NDUFAF5: variants seen among roughly 807,000 people sequenced by gnomAD.
NDUFAF5 encodes NADH:ubiquinone oxidoreductase complex assembly factor 5, also known as arginine-hydroxylase NDUFAF5, mitochondrial.
NDUFAF5 carries 34 observed loss-of-function variants against 48.9 expected under a neutral mutation model. The ratio of observed to expected loss-of-function variants is 0.70; its 90% confidence interval spans 0.53 to 0.93. The LOEUF (loss-of-function observed/expected upper bound fraction) is 0.93, where lower values mean the gene tolerates loss of function less well. Among genes scored for constraint, NDUFAF5 ranks in the 40% least tolerant of loss-of-function variants. The pLI is 0.00. For synonymous variants in NDUFAF5, 153 were observed against 150.6 expected, an observed-to-expected ratio of 1.02 and a Z score of -0.12; for missense variants, 428 against 427.5, an observed-to-expected ratio of 1.00 and a Z score of -0.01.
At chr20:13,791,767 T>G (rs1982314236) in intron 3 of NDUFAF5, among the ~76,000 whole-genome samples, 1 of 152,238 alleles carries the variant, frequency 6.6e-6, no homozygotes, top group South Asian at 2.1e-4. Context: ...GCATGCACTC[T>G]GGTACTACAT....
At chr20:13,814,071 T>C in intron 8 of NDUFAF5, 1 of 218,410 alleles carries the variant, frequency 4.6e-6, no homozygotes, top group Non-Finnish European at 9.4e-6. Flanking sequence ...TTGTTTGTTT[T>C]TTTTTAATGT....
rs946860889 is a variant in NDUFAF5, at chr20:13,788,247, T to A, written c.264-342T>A. On this transcript the variant is annotated intron_variant, in intron 2 of 10. Coordinates refer to ENST00000378106, the MANE Select transcript of NDUFAF5 (RefSeq NM_024120.5). ...AAATAGGGATAATTATTGATAAGTA[T>A]GTCAGTTATTTTCAAGTTAATTTAC... Among the ~76,000 whole-genome samples, 6 of 152,246 alleles carry A rather than the reference T, an allele frequency of 3.9e-5. No homozygotes were observed. In the East Asian group the frequency reaches 1.2e-3, roughly 29 times the overall value.
chr20:13,785,405 G>C (rs1254735577), intron 1 of NDUFAF5, 115 bp downstream of exon 1: 1 of 849,642 alleles, frequency 1.2e-6, no homozygotes, highest in Non-Finnish European at 1.8e-6. Flanking sequence ...ACCTTGACCA[G>C]CAGCCCTGCC....
At chr20:13,802,683 A>AAAAG (rs577815311) in intron 7 of NDUFAF5, among the ~76,000 whole-genome samples, 13 of 149,056 alleles carry the variant, frequency 8.7e-5, no homozygotes, top group Admixed American at 1.3e-4. Flanking sequence ...AAAAAAAAAA[A>AAAAG]AAAAAAAGCA....
chr20:13,806,530 A>G (rs1985039464), intron 7 of NDUFAF5, among the ~76,000 whole-genome samples: 1 of 152,192 alleles, frequency 6.6e-6, no homozygotes, highest in Non-Finnish European at 1.5e-5. Context: ...ATAAAATAAA[A>G]AAAATGGTGC....
intron 6 of NDUFAF5, among the ~76,000 whole-genome samples, chr20:13,800,109 A>G (rs1983896029): frequency 6.6e-6 from 1 of 152,128 alleles, no homozygotes; most frequent in Non-Finnish European, 1.5e-5. Flanking sequence ...GCAGTTGAAG[A>G]TGACTTTGGA....
chr20:13,787,269 A>G (rs752189424), intron 1 of NDUFAF5, 43 bp from the exon 2 acceptor site: 1 of 1,603,546 alleles, frequency 6.2e-7, no homozygotes, highest in Admixed American at 1.7e-5. Context: ...CTGGAAAAAG[A>G]GTGTTACTTC....
In NDUFAF5 at chr20:13,797,020, C is replaced by T. The variant is rs563950088; in HGVS notation, c.480-1441C>T. On this transcript the variant is annotated intron_variant, in intron 5 of 10. Coordinates refer to ENST00000378106, the MANE Select transcript of NDUFAF5 (RefSeq NM_024120.5). ...AGAGATTAAGTTTCAGTGTATACAGCTCTGGTTTTTGTTTGTTTTTATCAC... is the reference window on the plus strand; with the variant it reads ...AGAGATTAAGTTTCAGTGTATACAGTTCTGGTTTTTGTTTGTTTTTATCAC... Among the ~76,000 whole-genome samples, 13 of 152,292 alleles carry T rather than the reference C, an allele frequency of 8.5e-5. No homozygotes were observed. In the South Asian group the frequency reaches 1.7e-3, roughly 19 times the overall value.
intron 3 of NDUFAF5, among the ~76,000 whole-genome samples, chr20:13,790,467 G>A (rs565148791): frequency 1.2e-4 from 19 of 152,182 alleles, no homozygotes; most frequent in East Asian, 1.9e-4. Flanking sequence ...CCCCATCACC[G>A]TGCTGTTCAG....
intron 7 of NDUFAF5, among the ~76,000 whole-genome samples, chr20:13,804,224 T>C (rs977850213): frequency 2.6e-5 from 4 of 152,214 alleles, no homozygotes; most frequent in Non-Finnish European, 5.9e-5. Context: ...CCATGTGTCA[T>C]GTCATGTCTC....
chr20:13,793,384 A>G (rs1231381485), intron 4 of NDUFAF5, among the ~76,000 whole-genome samples, 157 bp downstream of exon 4: 3 of 152,098 alleles, frequency 2.0e-5, no homozygotes, highest in Admixed American at 6.5e-5. Flanking sequence ...AATCACCCCT[A>G]TCACCCCTAG....
intron 6 of NDUFAF5, among the ~76,000 whole-genome samples, chr20:13,800,718 C>T (rs945688883): frequency 1.3e-5 from 2 of 152,178 alleles, no homozygotes; most frequent in Non-Finnish European, 2.9e-5. Flanking sequence ...TGGCTTAAAA[C>T]AACAACTATG....
chr20:13,805,103 A>C (rs1984803449), intron 7 of NDUFAF5, among the ~76,000 whole-genome samples: 1 of 152,174 alleles, frequency 6.6e-6, no homozygotes, highest in South Asian at 2.1e-4. Context: ...CATTGAGATG[A>C]AAAAAGAATC....
At chr20:13,813,261 A>G (rs147340225) in intron 8 of NDUFAF5, among the ~76,000 whole-genome samples, 2 of 152,314 alleles carry the variant, frequency 1.3e-5, no homozygotes, top group Admixed American at 1.3e-4. Flanking sequence ...AATAGACCGT[A>G]TATTTTCAGA....
rs148230423 is a variant in NDUFAF5, at chr20:13,818,960, G to A, written c.*1750G>A. The A allele has an allele frequency of 9.3e-4, 142 of 152,220 alleles. 1 individual carries two copies. Among genetic ancestry groups the A allele is most frequent in the African/African-American group, 3.2e-3 (134 of 41,516 alleles). 9.4% of individuals were successfully genotyped at this position (152,220 alleles called of 1,614,324 possible). On this transcript the variant is annotated 3_prime_UTR_variant, in exon 11 of 11. Transcript: ENST00000378106. ...TTACTTTTGCTTATTTAATGTCAACGGAATTATATGTGGATGGTGGGGTGG... is the reference window on the plus strand; with the variant it reads ...TTACTTTTGCTTATTTAATGTCAACAGAATTATATGTGGATGGTGGGGTGG...
chr20:13,798,113 C>CT (rs1350471932), intron 5 of NDUFAF5, among the ~76,000 whole-genome samples: 1 of 152,090 alleles, frequency 6.6e-6, no homozygotes, highest in African/African-American at 2.4e-5. Context: ...ATTTTTACTA[C>CT]TTTTTGCAAA....
intron 5 of NDUFAF5, 130 bp from the exon 6 acceptor site, chr20:13,798,331 A>C: frequency 1.4e-6 from 1 of 726,432 alleles, no homozygotes; most frequent in South Asian, 1.5e-5. Flanking sequence ...GAAAACGATC[A>C]GTGGATTTGG....
At chr20:13,816,634 A>G (rs1417513738) in intron 9 of NDUFAF5, 88 bp downstream of exon 9, 1 of 1,086,538 alleles carries the variant, frequency 9.2e-7, no homozygotes, top group South Asian at 1.3e-5. Flanking sequence ...TGCATTTTCC[A>G]TTCCTGTTAA....
intron 3 of NDUFAF5, among the ~76,000 whole-genome samples, chr20:13,791,415 G>C (rs541690018): frequency 2.6e-5 from 4 of 152,200 alleles, no homozygotes; most frequent in Non-Finnish European, 5.9e-5. Context: ...ACCTGTCAAA[G>C]GAGGCTATAG....
Sources: allele counts gnomAD v4.1 joint callset (sites outside exome capture counted in the v4.1 genomes callset), GRCh38; gene constraint gnomAD v4.1.1; transcripts MANE v1.5; gene names NCBI Gene and HGNC (gene_info 2026-07-23, HGNC 2026-07-21).